Variants in NIPBL observed in about 807,000 individuals in gnomAD.
The protein encoded by NIPBL is NIPBL cohesin loading factor, also known as nipped-B-like protein.
In NIPBL, 19 loss-of-function variants were observed where a neutral mutation model predicts 321.8. The observed-to-expected ratio is 0.06, with a 90% CI of 0.04 to 0.09. The LOEUF (loss-of-function observed/expected upper bound fraction) is 0.09. NIPBL is among the 10% of genes least tolerant of loss of function. The pLI is 1.00. For synonymous variants in NIPBL, 1,106 were observed against 1,114.1 expected (o/e 0.99, Z 0.14); for missense variants, 2,210 against 3,327.0 (o/e 0.66, Z 8.26).
intron 1 of NIPBL, among the ~76,000 whole-genome samples, chr5:36,911,045 A>T (rs944967161): frequency 4.6e-5 from 7 of 152,198 alleles, no homozygotes; most frequent in Admixed American, 2.6e-4. Flanking sequence ...AAGATCATTT[A>T]AAAAAATATC....
At chr5:37,011,920 A>G (rs1375496304) in intron 21 of NIPBL, among the ~76,000 whole-genome samples, 4 of 152,142 alleles carry the variant, frequency 2.6e-5, no homozygotes, top group Non-Finnish European at 5.9e-5. Flanking sequence ...AAGATAGTAT[A>G]CATGCATTAA....
chr5:37,063,548 C>T (rs1253306150), intron 45 of NIPBL, among the ~76,000 whole-genome samples: 1 of 152,196 alleles, frequency 6.6e-6, no homozygotes, highest in South Asian at 2.1e-4. Flanking sequence ...ATTTATTTGT[C>T]TGTAGCTGCT....
intron 35 of NIPBL, 49 bp downstream of exon 35, chr5:37,044,536 T>G (rs901450032): frequency 6.3e-7 from 1 of 1,595,880 alleles, no homozygotes; most frequent in African/African-American, 1.3e-5. Context: ...AAAGTTCTAA[T>G]GTATTTTATT....
At chr5:37,036,792 T>C (rs1751747896) in intron 33 of NIPBL, among the ~76,000 whole-genome samples, 1 of 151,838 alleles carries the variant, frequency 6.6e-6, no homozygotes, top group Non-Finnish European at 1.5e-5. Flanking sequence ...CAGGGGCTAA[T>C]ATGTATCTAG....
At position 36,953,619 on chromosome 5, in the gene NIPBL, G is replaced by T. The variant is rs774378633; in HGVS notation, c.-78G>T. ...AATTGTCTGTTTTGTGTGTTGCAGT[G>T]TTTGGGAAATGGGAAGTAATGACAG... is the stretch of plus-strand genomic sequence containing the variant. On this transcript the variant is annotated splice_region_variant and 5_prime_UTR_variant, in exon 2 of 47. Transcript: ENST00000282516. 8.9e-7 allele frequency: 1 copy of T among 1,119,836 alleles called. No individual in the cohort carries two copies. Among genetic ancestry groups the T allele is most frequent in the Non-Finnish European group, 1.4e-6 (1 of 728,670 alleles). 69.4% of individuals were successfully genotyped at this position (1,119,836 alleles called of 1,614,324 possible). A position where few individuals can be genotyped will look rare whatever the true frequency, so the allele number is the denominator to read the frequency against.
At chr5:36,927,682 C>G (rs1350963048) in intron 1 of NIPBL, among the ~76,000 whole-genome samples, 1 of 152,102 alleles carries the variant, frequency 6.6e-6, no homozygotes, top group Admixed American at 6.5e-5. Context: ...GCACGAAGAA[C>G]AGTATAAGGA....
chr5:36,919,984 A>AT (rs995240105), intron 1 of NIPBL, among the ~76,000 whole-genome samples: 2 of 152,142 alleles, frequency 1.3e-5, no homozygotes, highest in Non-Finnish European at 2.9e-5. Flanking sequence ...AACATTTGAG[A>AT]TTCACTGAAG....
In NIPBL at chr5:36,934,392, T is replaced by C. The variant is rs115408905; in HGVS notation, c.-79-19226T>C. ...TACAGAAATTCATTAAAGGAAAAGA[T>C]TGTAAAGTAAAATGGTAGGTAGAGG... On this transcript the variant is annotated intron_variant, in intron 1 of 46. Transcript: ENST00000282516. Among the ~76,000 whole-genome samples the C allele has an allele frequency of 8.1e-3, 1,238 of 152,226 alleles. 12 individuals are homozygous for C. Among genetic ancestry groups the C allele is most frequent in the African/African-American group, 0.028 (1,176 of 41,548 alleles).
At chr5:36,947,769 G>C (rs1160442186) in intron 1 of NIPBL, among the ~76,000 whole-genome samples, 1 of 151,808 alleles carries the variant, frequency 6.6e-6, no homozygotes, top group East Asian at 1.9e-4. Flanking sequence ...AAGGAGTACA[G>C]ATAGAAATAC....
chr5:36,994,539 A>T (rs1363505782), intron 10 of NIPBL, among the ~76,000 whole-genome samples: 1 of 152,088 alleles, frequency 6.6e-6, no homozygotes, highest in Non-Finnish European at 1.5e-5. Flanking sequence ...GTTATAAAGG[A>T]TAGTGTTAAT....
At chr5:37,057,000 T>C (rs549837872) in intron 42 of NIPBL, among the ~76,000 whole-genome samples, 186 bp from the exon 43 acceptor site, 1 of 151,910 alleles carries the variant, frequency 6.6e-6, no homozygotes, top group South Asian at 2.1e-4. Flanking sequence ...CCCCCCTCTA[T>C]ATTTCTCTCC....
At chr5:36,891,841 A>G (rs1038534047) in intron 1 of NIPBL, among the ~76,000 whole-genome samples, 2 of 152,198 alleles carry the variant, frequency 1.3e-5, no homozygotes, top group Non-Finnish European at 2.9e-5. Flanking sequence ...GTAGCGAAGG[A>G]AACCCATAAC....
chr5:36,910,759 T>C (rs541423295), intron 1 of NIPBL, among the ~76,000 whole-genome samples: 1 of 152,322 alleles, frequency 6.6e-6, no homozygotes, highest in East Asian at 1.9e-4. Flanking sequence ...GTTTCAGTAC[T>C]GGTGATCTAT....
At chr5:36,929,794 C>T (rs1223743524) in intron 1 of NIPBL, among the ~76,000 whole-genome samples, 3 of 151,940 alleles carry the variant, frequency 2.0e-5, no homozygotes, top group Admixed American at 2.0e-4. Flanking sequence ...TTTATTTTTG[C>T]ATGTAAATGT....
intron 1 of NIPBL, among the ~76,000 whole-genome samples, chr5:36,938,997 C>A (rs1738769389): frequency 6.6e-6 from 1 of 152,070 alleles, no homozygotes; most frequent in African/African-American, 2.4e-5. Flanking sequence ...CATAACCACA[C>A]CTGCGCTCTT....
chr5:36,918,247 T>G (rs761963815), intron 1 of NIPBL, among the ~76,000 whole-genome samples: 5 of 152,198 alleles, frequency 3.3e-5, no homozygotes, highest in African/African-American at 1.2e-4. Context: ...CACATCCCTT[T>G]TAAGTTGGAT....
intron 1 of NIPBL, among the ~76,000 whole-genome samples, chr5:36,884,547 C>G (rs1022003073): frequency 6.6e-6 from 1 of 152,128 alleles, no homozygotes; most frequent in Non-Finnish European, 1.5e-5. Flanking sequence ...ACTTGTATCT[C>G]TTGATAAAAT....
At chr5:36,922,585 C>G (rs965736721) in intron 1 of NIPBL, among the ~76,000 whole-genome samples, 1 of 152,082 alleles carries the variant, frequency 6.6e-6, no homozygotes, top group African/African-American at 2.4e-5. Context: ...CTCTGGCTGT[C>G]TAATGGTGGT....
At chr5:37,044,242 C>A in intron 34 of NIPBL, 105 bp from the exon 35 acceptor site, 2 of 988,724 alleles carry the variant, frequency 2.0e-6, no homozygotes, top group Non-Finnish European at 3.0e-6. Context: ...TTTAACTGGA[C>A]CTTTACGTGC....
Sources: allele counts gnomAD v4.1 joint callset (sites outside exome capture counted in the v4.1 genomes callset), GRCh38; gene constraint gnomAD v4.1.1; transcripts MANE v1.5; gene names NCBI Gene and HGNC (gene_info 2026-07-23, HGNC 2026-07-21).